Variants in GSDMA observed in about 807,000 individuals in gnomAD.
GSDMA encodes the protein gasdermin A.
In GSDMA, 55 loss-of-function variants were observed where a neutral mutation model predicts 54.3. That is an observed-to-expected ratio of 1.01 (90% CI 0.82 to 1.27). The LOEUF (loss-of-function observed/expected upper bound fraction) is 1.27. Ranked by LOEUF, GSDMA falls within the 50% of genes most tolerant of loss-of-function variation. The probability of loss-of-function intolerance (pLI) is 0.00; values close to 1 mark genes in which losing one functional copy is unlikely to be tolerated. For missense variants in GSDMA, 542 were observed against 542.6 expected, an observed-to-expected ratio of 1.00 and a Z score of 0.01; for synonymous variants, 211 against 224.7, an observed-to-expected ratio of 0.94 and a Z score of 0.54.
rs368761161 is a variant in GSDMA at position 39,977,076 on chromosome 17, C to T, written c.*18C>T. The T allele has an allele frequency of 1.2e-6, 2 of 1,613,278 alleles. No homozygotes were observed. The highest frequency in any genetic ancestry group is 1.7e-6 in the Non-Finnish European group (2 of 1,179,508). On this transcript the variant is annotated 3_prime_UTR_variant, in exon 12 of 12. Coordinates refer to ENST00000301659, the MANE Select transcript of GSDMA (RefSeq NM_178171.5). ...CCTCCTAATTTGCCTTTTACGTCTG[C>T]TTCATGACTCCCTAATGCCTTCCCA...
At position 39,976,980 on chromosome 17, in the gene GSDMA, G is replaced by T; in HGVS notation, c.1260G>T (p.Trp420Cys). 1 of 1,613,864 alleles carries T rather than the reference G, an allele frequency of 6.2e-7. No homozygotes were observed. The highest frequency in any genetic ancestry group is 8.5e-7 in the Non-Finnish European group (1 of 1,179,850). ...EVQRSGPQYM[W>C]DPDTLPRLCA... is the part of the protein sequence containing the mutation. ...AGAGATCGGGCCCCCAATATATGTG[G>T]GACCCAGACACCCTCCCTCGCCTCT... is the stretch of plus-strand genomic sequence containing the variant. The change falls in exon 12 of 12, where the codon TGG becomes TGT. Residue 420 changes from tryptophan (W) to cysteine (C), a missense_variant. Trp to Cys is a radical substitution (Grantham distance 215). Transcript: ENST00000301659.
intron 4 of GSDMA, 28 bp from the exon 5 acceptor site, chr17:39,971,496 T>C: frequency 6.4e-7 from 1 of 1,564,568 alleles, no homozygotes; most frequent in Non-Finnish European, 8.8e-7. Context: ...TGTCCAGAGA[T>C]TCACAAATTC....
At chr17:39,976,773 G>A (rs1980216415) in intron 11 of GSDMA, 43 bp from the exon 12 acceptor site, 3 of 1,608,042 alleles carry the variant, frequency 1.9e-6, no homozygotes, top group Middle Eastern at 1.7e-4. Context: ...AGAGGAGAGA[G>A]GTTTCCAGTT....
chr17:39,972,458 G>A, intron 6 of GSDMA, 129 bp from the exon 7 acceptor site: 5 of 844,894 alleles, frequency 5.9e-6, no homozygotes, highest in Non-Finnish European at 9.8e-6. Context: ...AATCATGGGG[G>A]TGGATGAGCT....
chr17:39,965,660 C>G, intron 1 of GSDMA, 23 bp from the exon 2 acceptor site: 1 of 1,564,520 alleles, frequency 6.4e-7, no homozygotes, highest in Non-Finnish European at 8.7e-7. Context: ...CCTTGACACT[C>G]TCCTGTCTCC....
At chr17:39,969,779 G>A (rs528540113) in intron 3 of GSDMA, among the ~76,000 whole-genome samples, 10 of 151,976 alleles carry the variant, frequency 6.6e-5, no homozygotes, top group South Asian at 4.2e-4. Context: ...GCTTGAACCC[G>A]GGAGGCAGAG....
chr17:39,972,958 A>G (rs1282501494), intron 7 of GSDMA, among the ~76,000 whole-genome samples: 1 of 152,006 alleles, frequency 6.6e-6, no homozygotes, highest in Non-Finnish European at 1.5e-5. Context: ...TAGTGAGACA[A>G]TGTCTCTATT....
chr17:39,972,189 G>A lies in GSDMA; in HGVS notation c.703+13G>A, dbSNP rs538091456. On this transcript the variant is annotated intron_variant, in intron 6 of 11. Transcript: ENST00000301659. ...TTCCCTCCTGGAGGTAAGTGAAATT[G>A]CTTACGGGCTTCCCACATCTTCCGC... is the stretch of plus-strand genomic sequence containing the variant. The A allele has an allele frequency of 2.0e-6, 3 of 1,478,094 alleles. No homozygotes were observed. The highest frequency in any genetic ancestry group is 2.3e-5 in the South Asian group (2 of 86,200). 91.6% of individuals were successfully genotyped at this position (1,478,094 alleles called of 1,614,324 possible).
intron 2 of GSDMA, 91 bp downstream of exon 2, chr17:39,965,992 G>T: frequency 8.2e-7 from 1 of 1,224,188 alleles, no homozygotes; most frequent in Non-Finnish European, 1.1e-6. Flanking sequence ...GCTCCCTCTG[G>T]CCAGAGGTGA....
At position 39,972,121 on chromosome 17, in the gene GSDMA, CT is replaced by C; in HGVS notation, c.656-6del. ...GTCCTCCCACCCTCCCTCCCTTGCC[CT>C]TCACAGATATTCCACATATCTGCAA... On this transcript the variant is annotated splice_polypyrimidine_tract_variant and splice_region_variant and intron_variant, in intron 5 of 11. Transcript: ENST00000301659. The C allele has an allele frequency of 6.5e-7, 1 of 1,534,638 alleles. No individual in the cohort carries two copies. Among genetic ancestry groups the C allele is most frequent in the Non-Finnish European group, 9.0e-7 (1 of 1,114,286 alleles).
In GSDMA at chr17:39,965,841, C is replaced by G. The variant is rs370686535; in HGVS notation, c.154C>G (p.Arg52Gly). The change falls in exon 2 of 12, where the codon CGG (arginine) becomes GGG (glycine). Residue 52 changes from arginine to glycine, a missense_variant. Transcript: ENST00000301659. ...GAAGAGCACGCTCTTCTGGGGGGCC[C>G]GGTACGTCCGCACCGACTACACGCT... ...KRKSTLFWGA[R>G]YVRTDYTLLD... The G allele has an allele frequency of 5.1e-6, 8 of 1,573,918 alleles. No individual in the cohort carries two copies. Among genetic ancestry groups the G allele is most frequent in the Non-Finnish European group, 6.9e-6 (8 of 1,160,248 alleles).
chr17:39,970,310 G>T lies in GSDMA; in HGVS notation c.393-172G>T, dbSNP rs1979872745. 3.3e-5 allele frequency among the ~76,000 whole-genome samples: 5 copies of T among 152,198 alleles called. No homozygotes were observed. In the South Asian group the frequency reaches 1.0e-3, roughly 32 times the overall value. ...GAGGCAATTAAGACTCAGAGAAGCT[G>T]CCCTGCCAGTAAGCATGAGATCTGG... On this transcript the variant is annotated intron_variant, in intron 3 of 11. Transcript: ENST00000301659.
intron 1 of GSDMA, 82 bp from the exon 2 acceptor site, chr17:39,965,601 T>C: frequency 1.0e-6 from 1 of 1,003,552 alleles, no homozygotes; most frequent in Non-Finnish European, 1.5e-6. Flanking sequence ...AAACTCTCTC[T>C]GCAGGGGCCC....
At chr17:39,968,337 G>GGTTTTTTTTTTTTTT (rs1979765148) in intron 3 of GSDMA, among the ~76,000 whole-genome samples, 1 of 59,838 alleles carries the variant, frequency 1.7e-5, no homozygotes, top group Non-Finnish European at 2.8e-5. Flanking sequence ...ACTGAGCCCG[G>GGTTTTTTTTTTTTTT]TCTTTTTTTT....
At chr17:39,969,052 C>T (rs965068163) in intron 3 of GSDMA, among the ~76,000 whole-genome samples, 3 of 152,024 alleles carry the variant, frequency 2.0e-5, no homozygotes, top group African/African-American at 7.3e-5. Context: ...GTAATCAGCA[C>T]TATAAAGATT....
intron 3 of GSDMA, among the ~76,000 whole-genome samples, chr17:39,968,339 CTTTTTTTTTTTTT>C (rs60315845): frequency 9.7e-5 from 4 of 41,358 alleles, no homozygotes; most frequent in Admixed American, 3.3e-4. Context: ...TGAGCCCGGT[CTTTTTTTTTTTTT>C]TTTTTTTTTT....
chr17:39,972,499 C>A, intron 6 of GSDMA, 88 bp from the exon 7 acceptor site: 1 of 1,201,074 alleles, frequency 8.3e-7, no homozygotes, highest in South Asian at 1.3e-5. Context: ...TTATAATGAT[C>A]ACTGATGAAA....
intron 5 of GSDMA, among the ~76,000 whole-genome samples, 157 bp downstream of exon 5, chr17:39,971,777 G>A (rs1377984588): frequency 1.3e-5 from 2 of 152,192 alleles, no homozygotes; most frequent in African/African-American, 2.4e-5. Flanking sequence ...CTGGAGAGAA[G>A]GGTGAAGAGG....
At chr17:39,974,232 T>TGCCC (rs914386068) in intron 8 of GSDMA, 41 bp from the exon 9 acceptor site, 3 of 1,563,834 alleles carry the variant, frequency 1.9e-6, no homozygotes, top group African/African-American at 2.7e-5. Flanking sequence ...GAGAGGAAGG[T>TGCCC]GCCCGATGGA....
Sources: allele counts gnomAD v4.1 joint callset (sites outside exome capture counted in the v4.1 genomes callset), GRCh38; gene constraint gnomAD v4.1.1; transcripts MANE v1.5; gene names NCBI Gene and HGNC (gene_info 2026-07-23, HGNC 2026-07-21).